The following FSTL4 variants were observed in gnomAD, a reference collection of about 807,000 sequenced individuals.
The protein encoded by FSTL4 is follistatin-related protein 4.
Under a neutral mutation model 78.2 loss-of-function variants are expected in FSTL4, and 28 were observed. The observed-to-expected ratio is 0.36, with a 90% CI of 0.27 to 0.49. The LOEUF is 0.49. Among genes scored for constraint, FSTL4 ranks in the 20% least tolerant of loss-of-function variants. FSTL4 has a pLI of 0.98. For synonymous variants in FSTL4, 422 were observed against 440.5 expected, an observed-to-expected ratio of 0.96 and a Z score of 0.53; for missense variants, 922 against 1,084.9, an observed-to-expected ratio of 0.85 and a Z score of 2.11.
chr5:133,841,948 T>C, the FSTL4 span, among the ~76,000 whole-genome samples: 1 of 152,230 alleles, frequency 6.6e-6, no homozygotes, highest in African/African-American at 2.4e-5. Flanking sequence ...GGTCTAGGGC[T>C]TACCTGTCCA....
chr5:133,732,208 C>T, the FSTL4 span, among the ~76,000 whole-genome samples: 1 of 152,202 alleles, frequency 6.6e-6, no homozygotes, highest in East Asian at 1.9e-4. Flanking sequence ...GGCCCCCGAA[C>T]TTGTTTACTA....
intron 4 of FSTL4, among the ~76,000 whole-genome samples, chr5:133,358,594 T>TC (rs1408546001): frequency 7.9e-5 from 11 of 139,664 alleles, no homozygotes; most frequent in African/African-American, 1.7e-4. Context: ...TCTATTTCTT[T>TC]TTTTTTTTTT....
chr5:133,799,003 A>AT, the FSTL4 span, among the ~76,000 whole-genome samples: 1 of 83,756 alleles, frequency 1.2e-5, no homozygotes, highest in African/African-American at 4.3e-5. Flanking sequence ...GGAGGGAGAG[A>AT]GAGGGGAAGG....
chr5:133,302,768 C>T (rs1753574971), intron 6 of FSTL4, among the ~76,000 whole-genome samples: 1 of 152,234 alleles, frequency 6.6e-6, no homozygotes, highest in Non-Finnish European at 1.5e-5. Context: ...CACACGTGGG[C>T]AACAGGATGA....
intron 3 of FSTL4, among the ~76,000 whole-genome samples, chr5:133,458,554 G>A (rs547063376): frequency 6.6e-6 from 1 of 152,370 alleles, no homozygotes; most frequent in Admixed American, 6.5e-5. Context: ...TTCCTTAATG[G>A]GAATGCCAGA....
At chr5:133,211,175 C>T (rs1404473033) in intron 13 of FSTL4, among the ~76,000 whole-genome samples, 1 of 152,184 alleles carries the variant, frequency 6.6e-6, no homozygotes, top group Non-Finnish European at 1.5e-5. Context: ...ACTGCTATCC[C>T]CTGATGATAT....
chr5:133,423,509 A>G (rs1460922945), intron 3 of FSTL4, among the ~76,000 whole-genome samples: 1 of 152,074 alleles, frequency 6.6e-6, no homozygotes, highest in Non-Finnish European at 1.5e-5. Flanking sequence ...CTGCTATGTG[A>G]GGAGTTAGCC....
chr5:133,701,798 G>A, the FSTL4 span, among the ~76,000 whole-genome samples: 4 of 152,170 alleles, frequency 2.6e-5, no homozygotes, highest in Non-Finnish European at 2.9e-5. Flanking sequence ...TAAAACGCAT[G>A]AGTGTGTGCC....
In FSTL4 at chr5:133,317,520, C is replaced by T. The variant is rs112589132; in HGVS notation, c.410-868G>A. On this transcript the variant is annotated intron_variant, in intron 4 of 15. Transcript: ENST00000265342. ...AGAATACGCATGGGCTCCTCACTGACCATTCCAGGTTGAAGGCCAATGGGT... is the reference window on the plus strand; with the variant it reads ...AGAATACGCATGGGCTCCTCACTGATCATTCCAGGTTGAAGGCCAATGGGT... Among the ~76,000 whole-genome samples the T allele has an allele frequency of 4.2e-3, 634 of 152,354 alleles. 5 individuals are homozygous for T. The highest frequency in any genetic ancestry group is 0.015 in the African/African-American group (606 of 41,568).
At chr5:133,469,582 A>C (rs1365123263) in intron 3 of FSTL4, among the ~76,000 whole-genome samples, 1 of 152,212 alleles carries the variant, frequency 6.6e-6, no homozygotes, top group Non-Finnish European at 1.5e-5. Flanking sequence ...TAATATTAGA[A>C]AGCCAGATGT....
Position 133,406,654 on chromosome 5 carries a change from A to G in FSTL4, c.161-5668T>C, listed in dbSNP as rs150500171. On this transcript the variant is annotated intron_variant, in intron 3 of 15. Coordinates refer to ENST00000265342, the MANE Select transcript of FSTL4 (RefSeq NM_015082.2). ...GGATGAGAATCTGTAATTCCTCCCA[A>G]GGACATGTGTGTGTTAACACCCAGC... 3.9e-3 allele frequency among the ~76,000 whole-genome samples: 591 copies of G among 152,324 alleles called. 10 individuals carry two copies. Among genetic ancestry groups the G allele is most frequent in the Admixed American group, 0.024 (366 of 15,306 alleles).
intron 8 of FSTL4, among the ~76,000 whole-genome samples, chr5:133,232,864 C>A (rs1751536040): frequency 6.6e-6 from 1 of 152,186 alleles, no homozygotes; most frequent in Non-Finnish European, 1.5e-5. Flanking sequence ...GGACTCCTGG[C>A]AACACAGGGC....
chr5:133,448,745 G>T lies in FSTL4; in HGVS notation c.161-47759C>A, dbSNP rs906951481. 8.1e-5 allele frequency among the ~76,000 whole-genome samples: 12 copies of T among 148,692 alleles called. 2 individuals carry two copies. Among genetic ancestry groups the T allele is most frequent in the Non-Finnish European group, 1.3e-4 (9 of 66,908 alleles). On this transcript the variant is annotated intron_variant, in intron 3 of 15. Transcript: ENST00000265342. Reference sequence around the variant, plus strand: ...ATCCCCAGGGGTGCGGGGGCGGGGGGGGGGGGCGCTCAGAATTTTCCGCCT... The same window carrying T: ...ATCCCCAGGGGTGCGGGGGCGGGGGTGGGGGGCGCTCAGAATTTTCCGCCT...
At chr5:133,516,660 C>A (rs1196891153) in intron 3 of FSTL4, among the ~76,000 whole-genome samples, 1 of 152,122 alleles carries the variant, frequency 6.6e-6, no homozygotes, top group African/African-American at 2.4e-5. Flanking sequence ...CAAATTCACT[C>A]ATGTGGAAAA....
At chr5:133,212,688 G>A (rs936016707) in intron 13 of FSTL4, among the ~76,000 whole-genome samples, 2 of 152,026 alleles carry the variant, frequency 1.3e-5, no homozygotes, top group African/African-American at 4.8e-5. Context: ...GAGAGAACGA[G>A]GCAGCAGAAT....
chr5:133,438,753 C>T (rs780852594), intron 3 of FSTL4, among the ~76,000 whole-genome samples: 13 of 152,200 alleles, frequency 8.5e-5, no homozygotes, highest in Non-Finnish European at 1.8e-4. Context: ...GGAAAACCCA[C>T]ATGCAAGATA....
the FSTL4 span, among the ~76,000 whole-genome samples, chr5:133,755,064 C>T: frequency 6.6e-6 from 1 of 152,160 alleles, no homozygotes; most frequent in Non-Finnish European, 1.5e-5. Context: ...CCTCACCCTT[C>T]CTCATAGGCT....
chr5:133,608,930 G>A (rs1264260358), intron 1 of FSTL4, among the ~76,000 whole-genome samples: 1 of 152,180 alleles, frequency 6.6e-6, no homozygotes, highest in Non-Finnish European at 1.5e-5. Flanking sequence ...ATAGGCCAGA[G>A]AGAAGCAATC....
At chr5:133,261,592 C>A (rs1230107301) in intron 6 of FSTL4, among the ~76,000 whole-genome samples, 5 of 152,198 alleles carry the variant, frequency 3.3e-5, no homozygotes, top group African/African-American at 1.2e-4. Flanking sequence ...GCGCGGTGCT[C>A]ACGCCTGGAA....
Sources: allele counts gnomAD v4.1 joint callset (sites outside exome capture counted in the v4.1 genomes callset), GRCh38; gene constraint gnomAD v4.1.1; transcripts MANE v1.5; gene names NCBI Gene and HGNC (gene_info 2026-07-23, HGNC 2026-07-21).